Variants in RBFOX1 observed in about 807,000 individuals in gnomAD.
RBFOX1 encodes RNA binding fox-1 homolog 1.
In RBFOX1, 8 loss-of-function variants were observed where a neutral mutation model predicts 57.7. The ratio of observed to expected loss-of-function variants is 0.14; its 90% CI spans 0.08 to 0.25. The LOEUF (loss-of-function observed/expected upper bound fraction) is 0.25. RBFOX1 is among the 10% of genes least tolerant of loss of function. The pLI is 1.00. For missense variants in RBFOX1, 611 were observed against 548.5 expected (o/e 1.11, Z -1.14); for synonymous variants, 326 against 222.4 (o/e 1.47, Z -4.15).
chr16:6,640,063 G>C (rs2098474746), intron 2 of RBFOX1, among the ~76,000 whole-genome samples: 2 of 152,068 alleles, frequency 1.3e-5, no homozygotes, highest in Admixed American at 1.3e-4. Flanking sequence ...CAGATAAGTT[G>C]CTGCGAAAAG....
At chr16:7,673,313 G>C (rs2072193555) in intron 13 of RBFOX1, among the ~76,000 whole-genome samples, 1 of 152,184 alleles carries the variant, frequency 6.6e-6, no homozygotes, top group Admixed American at 6.5e-5. Context: ...TCCACAAACA[G>C]AGTAACCAGT....
chr16:5,693,993 G>A (rs1176987583), intron 3 of RBFOX1, among the ~76,000 whole-genome samples: 1 of 152,176 alleles, frequency 6.6e-6, no homozygotes, highest in Admixed American at 6.5e-5. Context: ...TCTTTTGCTA[G>A]CATCTAGCAC....
chr16:6,705,272 T>G (rs2062528104), intron 3 of RBFOX1: 1 of 152,162 alleles, frequency 6.6e-6, no homozygotes, highest in Non-Finnish European at 1.5e-5. Flanking sequence ...CAAAACATAC[T>G]GGGCAAAGGT....
chr16:7,196,143 T>G (rs1217374937), intron 4 of RBFOX1, among the ~76,000 whole-genome samples: 4 of 152,166 alleles, frequency 2.6e-5, no homozygotes, highest in African/African-American at 9.7e-5. Flanking sequence ...CTAAAGGAAG[T>G]AAAGGAACAG....
At chr16:5,996,805 C>G (rs572025494) in intron 4 of RBFOX1, among the ~76,000 whole-genome samples, 1 of 152,296 alleles carries the variant, frequency 6.6e-6, no homozygotes, top group Non-Finnish European at 1.5e-5. Context: ...CTTTCTCCAT[C>G]TCTGCTAGTG....
intron 2 of RBFOX1, among the ~76,000 whole-genome samples, chr16:5,490,350 G>T (rs1157541722): frequency 2.0e-5 from 3 of 152,154 alleles, no homozygotes; most frequent in Non-Finnish European, 4.4e-5. Flanking sequence ...TACAGAACAG[G>T]AAATGGAGAT....
intron 4 of RBFOX1, among the ~76,000 whole-genome samples, chr16:7,327,266 C>T (rs1347873858): frequency 2.0e-5 from 3 of 152,116 alleles, no homozygotes; most frequent in Non-Finnish European, 4.4e-5. Context: ...AAAGTGGATT[C>T]ACAGAGGTAT....
At chr16:6,227,557 A>T (rs1193320420) in intron 1 of RBFOX1, among the ~76,000 whole-genome samples, 1 of 152,078 alleles carries the variant, frequency 6.6e-6, no homozygotes, top group East Asian at 1.9e-4. Context: ...GTGAGCTTGT[A>T]CACACCTTCC....
intron 3 of RBFOX1, among the ~76,000 whole-genome samples, chr16:6,962,238 G>T (rs2083177933): frequency 6.6e-6 from 1 of 152,076 alleles, no homozygotes; most frequent in Non-Finnish European, 1.5e-5. Flanking sequence ...TCCTAGGTGT[G>T]TGTCAGACCT....
intron 4 of RBFOX1, among the ~76,000 whole-genome samples, chr16:7,097,491 GTTTTC>G (rs1436222803): frequency 6.6e-6 from 1 of 152,166 alleles, no homozygotes; most frequent in Non-Finnish European, 1.5e-5. Context: ...AGTGAGTGGA[GTTTTC>G]TTTTCTGTTT....
chr16:5,572,793 G>A (rs375230609), intron 2 of RBFOX1, among the ~76,000 whole-genome samples: 1 of 152,296 alleles, frequency 6.6e-6, no homozygotes, highest in South Asian at 2.1e-4. Context: ...GATATTTAGG[G>A]CAATCGGGAT....
chr16:7,169,819 C>T (rs370317570), intron 4 of RBFOX1, among the ~76,000 whole-genome samples: 141 of 34,806 alleles, frequency 4.1e-3, no homozygotes, highest in African/African-American at 0.021. Context: ...CCTGTAATCC[C>T]TGCACTTTGG....
Position 6,094,898 on chromosome 16 carries a change from A to G in RBFOX1, c.-127+74906A>G, listed in dbSNP as rs550495037. 2.0e-5 allele frequency among the ~76,000 whole-genome samples: 3 copies of G among 152,318 alleles called. No homozygotes were observed. In the South Asian group the frequency reaches 6.2e-4, roughly 32 times the overall value. On this transcript the variant is annotated intron_variant, in intron 1 of 15. Transcript: ENST00000550418. Reference sequence around the variant, plus strand: ...AACATGATGAAACCCTGTCTCTACTAAAAATGCAAAAGTTACTAAGGGATG... The same window carrying G: ...AACATGATGAAACCCTGTCTCTACTGAAAATGCAAAAGTTACTAAGGGATG...
At chr16:5,932,830 G>T (rs2059092808) in intron 4 of RBFOX1, among the ~76,000 whole-genome samples, 1 of 151,456 alleles carries the variant, frequency 6.6e-6, no homozygotes, top group Non-Finnish European at 1.5e-5. Context: ...CTGCTCTTTG[G>T]CCCCAGTGCC....
At chr16:5,396,937 AC>A (rs1191574275) in intron 1 of RBFOX1, among the ~76,000 whole-genome samples, 2 of 152,172 alleles carry the variant, frequency 1.3e-5, no homozygotes, top group East Asian at 3.9e-4. Flanking sequence ...ATCCTATCAG[AC>A]ACCCCTGGAT....
At chr16:6,450,826 T>TATGTGTATATATATATATATATAC (rs1567303621) in intron 2 of RBFOX1, among the ~76,000 whole-genome samples, 1 of 32,914 alleles carries the variant, frequency 3.0e-5, no homozygotes, top group African/African-American at 1.7e-4. Flanking sequence ...TACATATATA[T>TATGTGTATATATATATATATATAC]ATATATATAT....
intron 4 of RBFOX1, among the ~76,000 whole-genome samples, chr16:7,420,646 C>A (rs1331939509): frequency 6.6e-6 from 1 of 150,882 alleles, no homozygotes. Flanking sequence ...ATTTGTTTTT[C>A]ATGCTGCCAG....
intron 2 of RBFOX1, among the ~76,000 whole-genome samples, chr16:6,489,063 C>G (rs1373178027): frequency 1.3e-5 from 2 of 152,166 alleles, no homozygotes; most frequent in African/African-American, 4.8e-5. Flanking sequence ...CTTGGAACAT[C>G]TTTCTTTATA....
At chr16:6,871,101 C>T (rs778660241) in intron 3 of RBFOX1, among the ~76,000 whole-genome samples, 1 of 152,188 alleles carries the variant, frequency 6.6e-6, no homozygotes, top group African/African-American at 2.4e-5. Flanking sequence ...TTTCTTCTTA[C>T]ATTCTTTAGG....
Sources: allele counts gnomAD v4.1 joint callset (sites outside exome capture counted in the v4.1 genomes callset), GRCh38; gene constraint gnomAD v4.1.1; transcripts MANE v1.5; gene names NCBI Gene and HGNC (gene_info 2026-07-23, HGNC 2026-07-21).